PIK3R3: variants seen among roughly 807,000 people sequenced by gnomAD.
PIK3R3 encodes the protein phosphoinositide-3-kinase regulatory subunit 3.
In PIK3R3, 64 loss-of-function variants were observed where a neutral mutation model predicts 62.9. That is an observed-to-expected ratio of 1.02 (90% CI 0.83 to 1.25). The LOEUF (loss-of-function observed/expected upper bound fraction) is 1.25, where lower values mean the gene tolerates loss of function less well. PIK3R3 is among the 50% of genes most tolerant of loss of function. The pLI, the probability that PIK3R3 is intolerant of heterozygous loss-of-function variation, is 0.00. For synonymous variants in PIK3R3, 165 were observed against 189.0 expected, an observed-to-expected ratio of 0.87 and a Z score of 1.04; for missense variants, 614 against 561.6, an observed-to-expected ratio of 1.09 and a Z score of -0.94.
chr1:46,040,650 A>G lies in PIK3R3; in HGVS notation c.*3023T>C, dbSNP rs1206308162. 1 of 216,274 alleles carries G rather than the reference A, an allele frequency of 4.6e-6. No homozygotes were observed. The highest frequency in any genetic ancestry group is 9.3e-6 in the Non-Finnish European group (1 of 107,298). 13.4% of individuals were successfully genotyped at this position (216,274 alleles called of 1,614,324 possible). On this transcript the variant is annotated 3_prime_UTR_variant, in exon 10 of 10. Transcript: ENST00000262741. Reference sequence around the variant, plus strand: ...GTTAAATAGCAGCAGAGACCACCTTAGAAAACAGGAATTGCCCAGGTGCAA... The same window carrying G: ...GTTAAATAGCAGCAGAGACCACCTTGGAAAACAGGAATTGCCCAGGTGCAA...
At chr1:46,108,115 T>C (rs1037844284) in intron 1 of PIK3R3, among the ~76,000 whole-genome samples, 4 of 152,242 alleles carry the variant, frequency 2.6e-5, no homozygotes, top group Non-Finnish European at 5.9e-5. Flanking sequence ...ATCTCTTGAA[T>C]ATTACAGTTA....
At chr1:46,131,296 AT>A (rs1237965080) in intron 1 of PIK3R3, among the ~76,000 whole-genome samples, 2 of 152,206 alleles carry the variant, frequency 1.3e-5, no homozygotes, top group Non-Finnish European at 2.9e-5. Context: ...CCTAAAAAAA[AT>A]CACTAACCGG....
intron 1 of PIK3R3, among the ~76,000 whole-genome samples, chr1:46,113,726 C>G (rs181799167): frequency 6.6e-6 from 1 of 152,334 alleles, no homozygotes; most frequent in East Asian, 1.9e-4. Context: ...TCTTCTATTG[C>G]TATACTTTGA....
chr1:46,093,633 T>C (rs866233154), intron 1 of PIK3R3, among the ~76,000 whole-genome samples: 1 of 152,116 alleles, frequency 6.6e-6, no homozygotes. Context: ...CTCATGCATG[T>C]AATCCTAGCA....
At position 46,041,052 on chromosome 1, in the gene PIK3R3, C is replaced by G. The variant is rs1646987058; in HGVS notation, c.*2621G>C. 6.2e-6 allele frequency: 1 copy of G among 160,298 alleles called. No homozygotes were observed. 9.9% of individuals were successfully genotyped at this position (160,298 alleles called of 1,614,324 possible). A position where few individuals can be genotyped will look rare whatever the true frequency, so the allele number is the denominator to read the frequency against. ...TATAATGAACCCCTCTGATCTTGGT[C>G]TCTCTTTGCCCTCTGCCTCATTGAA... On this transcript the variant is annotated 3_prime_UTR_variant, in exon 10 of 10. Coordinates refer to ENST00000262741, the MANE Select transcript of PIK3R3 (RefSeq NM_003629.4).
chr1:46,087,118 G>A (rs999530146), intron 1 of PIK3R3, among the ~76,000 whole-genome samples: 1 of 152,230 alleles, frequency 6.6e-6, no homozygotes, highest in Non-Finnish European at 1.5e-5. Context: ...GGCCCGTCGT[G>A]TGTGGGGGAA....
In PIK3R3 at chr1:46,066,093, C is replaced by A; in HGVS notation, c.582G>T (p.Glu194Asp). ...TATATTCTTCATACAGCCTATCATACTCTTTACTCTTCTCCTGATACTGAG... is the reference window on the plus strand; with the variant it reads ...TATATTCTTCATACAGCCTATCATAATCTTTACTCTTCTCCTGATACTGAG... ...YHSQYQEKSK[E>D]YDRLYEEYTR... Residue 194 changes from glutamate (E) to aspartate (D), a missense_variant, in exon 5 of 10, where the codon GAG becomes GAT. Glu to Asp is a conservative substitution (Grantham distance 45, BLOSUM62 2). Coordinates refer to ENST00000262741, the MANE Select transcript of PIK3R3 (RefSeq NM_003629.4). 1.2e-6 allele frequency: 2 copies of A among 1,606,586 alleles called. No homozygotes were observed. Among genetic ancestry groups the A allele is most frequent in the East Asian group, 4.5e-5 (2 of 44,676 alleles).
At chr1:46,114,563 T>C (rs985842531) in intron 1 of PIK3R3, among the ~76,000 whole-genome samples, 14 of 152,080 alleles carry the variant, frequency 9.2e-5, no homozygotes, top group Admixed American at 2.6e-4. Flanking sequence ...CTACGGAACC[T>C]ACTCAACTAG....
At chr1:46,138,634 G>A in the PIK3R3 span, among the ~76,000 whole-genome samples, 16 of 152,236 alleles carry the variant, frequency 1.1e-4, no homozygotes, top group African/African-American at 3.6e-4. Flanking sequence ...CTCCCAGCCT[G>A]GGCACAGAGT....
rs143304918 is a variant in PIK3R3 at position 46,093,501 on chromosome 1, T to A, written c.107-12751A>T. On this transcript the variant is annotated intron_variant, in intron 1 of 9. Coordinates refer to ENST00000262741, the MANE Select transcript of PIK3R3 (RefSeq NM_003629.4). ...CAATCTTCTACAAATATCTTTGATA[T>A]GAAAATGCTCAGTTTAAGAAAAATG... Among the ~76,000 whole-genome samples the A allele has an allele frequency of 5.5e-4, 84 of 152,290 alleles. No individual in the cohort carries two copies. The East Asian group carries it at 0.013, about 24-fold the overall frequency.
At chr1:46,111,075 A>G (rs995578510) in intron 1 of PIK3R3, among the ~76,000 whole-genome samples, 1 of 152,048 alleles carries the variant, frequency 6.6e-6, no homozygotes. Flanking sequence ...AGCTCTACAC[A>G]TTTCCCTATT....
At chr1:46,131,419 AG>A (rs1655571274) in intron 1 of PIK3R3, among the ~76,000 whole-genome samples, 1 of 152,234 alleles carries the variant, frequency 6.6e-6, no homozygotes, top group African/African-American at 2.4e-5. Context: ...AATGTATGAA[AG>A]GACAAGCTTT....
chr1:46,174,120 T>C, the PIK3R3 span, among the ~76,000 whole-genome samples: 31 of 152,182 alleles, frequency 2.0e-4, no homozygotes, highest in Admixed American at 9.8e-4. Context: ...ATCTATGCAT[T>C]TGTGTCTGCG....
the PIK3R3 span, among the ~76,000 whole-genome samples, chr1:46,143,776 C>T: frequency 2.0e-5 from 3 of 152,152 alleles, no homozygotes; most frequent in African/African-American, 7.2e-5. Context: ...AGCTGCTATG[C>T]CTGACCACCT....
chr1:46,088,718 A>G (rs1474282023), intron 1 of PIK3R3, among the ~76,000 whole-genome samples: 3 of 152,128 alleles, frequency 2.0e-5, no homozygotes, highest in Non-Finnish European at 4.4e-5. Flanking sequence ...ATTAAAATAA[A>G]TAAGAAAAAA....
chr1:46,109,319 A>G (rs909373831), intron 1 of PIK3R3, among the ~76,000 whole-genome samples: 3 of 152,194 alleles, frequency 2.0e-5, no homozygotes, highest in Non-Finnish European at 4.4e-5. Context: ...TTCTACCCTA[A>G]TCACTACATA....
intron 1 of PIK3R3, among the ~76,000 whole-genome samples, chr1:46,115,670 G>A (rs1182038288): frequency 6.6e-6 from 1 of 152,126 alleles, no homozygotes; most frequent in Non-Finnish European, 1.5e-5. Flanking sequence ...TCCAAGTCCC[G>A]AATTAATGTC....
At chr1:46,115,701 C>T (rs1654123931) in intron 1 of PIK3R3, among the ~76,000 whole-genome samples, 1 of 152,208 alleles carries the variant, frequency 6.6e-6, no homozygotes, top group African/African-American at 2.4e-5. Flanking sequence ...TCTGAACCAC[C>T]TCGTTGTCCT....
chr1:46,066,156 A>G lies in PIK3R3; in HGVS notation c.519T>C (p.Asn173=), dbSNP rs765461276. 1 of 1,580,110 alleles carries G rather than the reference A, an allele frequency of 6.3e-7. No individual in the cohort carries two copies. The highest frequency in any genetic ancestry group is 1.7e-5 in the Admixed American group (1 of 59,924). Residue 173 remains asparagine (N), a synonymous_variant, in exon 5 of 10, where the codon AAT becomes AAC. Coordinates refer to ENST00000262741, the MANE Select transcript of PIK3R3 (RefSeq NM_003629.4). Reference sequence around the variant, plus strand: ...GCAGTTTTTTACCTACTGCATCAATATTATCTTCTTTTACCAACTGATCCT... The same window carrying G: ...GCAGTTTTTTACCTACTGCATCAATGTTATCTTCTTTTACCAACTGATCCT... The part of the protein sequence containing the change: ...YQQDQLVKED[N]IDAVGKKLQE...
Sources: allele counts gnomAD v4.1 joint callset (sites outside exome capture counted in the v4.1 genomes callset), GRCh38; gene constraint gnomAD v4.1.1; transcripts MANE v1.5; gene names NCBI Gene and HGNC (gene_info 2026-07-23, HGNC 2026-07-21).